Variants in OXCT1 observed in about 807,000 individuals in gnomAD.
OXCT1 encodes 3-oxoacid CoA-transferase 1.
Under a neutral mutation model 69.6 loss-of-function variants are expected in OXCT1, and 27 were observed. The ratio of observed to expected loss-of-function variants is 0.39; its 90% CI spans 0.29 to 0.54. The LOEUF is 0.54. Ranked by LOEUF, OXCT1 falls within the 20% of genes least tolerant of loss-of-function variation. The pLI is 0.72. For missense variants in OXCT1, 437 were observed against 650.2 expected (o/e 0.67, Z 3.57); for synonymous variants, 202 against 217.8 (o/e 0.93, Z 0.64).
At chr5:41,757,218 G>A (rs954714552) in intron 14 of OXCT1, among the ~76,000 whole-genome samples, 2 of 151,986 alleles carry the variant, frequency 1.3e-5, no homozygotes. Context: ...TTTGTTCTTT[G>A]ACTAGAGGGA....
chr5:41,862,430 A>G (rs1749780171), intron 2 of OXCT1, among the ~76,000 whole-genome samples: 1 of 152,212 alleles, frequency 6.6e-6, no homozygotes, highest in Non-Finnish European at 1.5e-5. Flanking sequence ...ACACACATGC[A>G]CGCACACAGA....
intron 11 of OXCT1, among the ~76,000 whole-genome samples, chr5:41,796,755 G>A (rs1211633124): frequency 2.6e-5 from 4 of 152,184 alleles, no homozygotes; most frequent in Admixed American, 6.5e-5. Context: ...TAAACAGCAT[G>A]TAAGACGTAG....
chr5:41,819,037 A>C (rs532423755), intron 7 of OXCT1, among the ~76,000 whole-genome samples: 2 of 152,186 alleles, frequency 1.3e-5, no homozygotes, highest in Non-Finnish European at 2.9e-5. Context: ...TGAAGTTGGA[A>C]AAAATACCAT....
intron 11 of OXCT1, among the ~76,000 whole-genome samples, chr5:41,799,989 G>A (rs143220381): frequency 2.6e-4 from 39 of 152,230 alleles, no homozygotes; most frequent in African/African-American, 8.4e-4. Flanking sequence ...TGAATAAAAG[G>A]ATACAGAAAA....
At chr5:41,856,571 C>A (rs1160040676) in intron 3 of OXCT1, among the ~76,000 whole-genome samples, 1 of 152,146 alleles carries the variant, frequency 6.6e-6, no homozygotes, top group African/African-American at 2.4e-5. Flanking sequence ...CTCTTTCCTA[C>A]CCCCGGCACT....
At chr5:41,867,092 T>C (rs1213907717) in intron 1 of OXCT1, among the ~76,000 whole-genome samples, 1 of 152,188 alleles carries the variant, frequency 6.6e-6, no homozygotes, top group African/African-American at 2.4e-5. Context: ...TTTAATTTTT[T>C]TATTTCCATA....
In OXCT1 at chr5:41,859,884, T is replaced by TATATGTAATATATATATATATATATACAC. The variant is rs1749647107; in HGVS notation, c.278+1429_278+1430insGTGTATATATATATATATATATTACATAT. Among the ~76,000 whole-genome samples, 4 of 117,880 alleles carry TATATGTAATATATATATATATATATACAC rather than the reference T, an allele frequency of 3.4e-5. No individual in the cohort carries two copies. In the East Asian group the frequency reaches 8.7e-4, roughly 26 times the overall value. 77.3% of individuals were successfully genotyped at this position (117,880 alleles called of 152,430 possible). A position where few individuals can be genotyped will look rare whatever the true frequency, so the allele number is the denominator to read the frequency against. The stretch of plus-strand genomic sequence containing the variant: ...ATAGTAATATATATATATATATATA[T>TATATGTAATATATATATATATATATACAC]ATGTAATATATATATATATATATAC... On this transcript the variant is annotated intron_variant, in intron 3 of 16. Transcript: ENST00000196371.
At chr5:41,743,509 T>C (rs1350611158) in intron 15 of OXCT1, among the ~76,000 whole-genome samples, 1 of 152,240 alleles carries the variant, frequency 6.6e-6, no homozygotes, top group Admixed American at 6.5e-5. Context: ...CAATTTTGGC[T>C]TTTGTTGCCA....
At chr5:41,752,152 G>A (rs1041901963) in intron 14 of OXCT1, among the ~76,000 whole-genome samples, 4 of 152,084 alleles carry the variant, frequency 2.6e-5, no homozygotes, top group Non-Finnish European at 4.4e-5. Flanking sequence ...TATGGTGTGG[G>A]AGCAAAGAGC....
intron 7 of OXCT1, among the ~76,000 whole-genome samples, chr5:41,825,960 A>G (rs1028331004): frequency 9.8e-5 from 15 of 152,380 alleles, no homozygotes; most frequent in African/African-American, 3.6e-4. Flanking sequence ...GAATCTTTTG[A>G]GCCAAAGTAT....
At position 41,809,501 on chromosome 5, in the gene OXCT1, T is replaced by C. The variant is rs181701172; in HGVS notation, c.733-2063A>G. Among the ~76,000 whole-genome samples, 9 of 152,188 alleles carry C rather than the reference T, an allele frequency of 5.9e-5. No individual in the cohort carries two copies. The East Asian group carries it at 7.7e-4, about 13-fold the overall frequency. On this transcript the variant is annotated intron_variant, in intron 7 of 16. Transcript: ENST00000196371. ...TAAGCAAACCCTTCTTGCCTGCACA[T>C]TTGAAAATAATAATGTGAATTATTT... is the stretch of plus-strand genomic sequence containing the variant.
chr5:41,790,075 A>T (rs765961465), intron 13 of OXCT1, among the ~76,000 whole-genome samples: 5 of 151,990 alleles, frequency 3.3e-5, no homozygotes, highest in Non-Finnish European at 7.4e-5. Flanking sequence ...AAAAACACCA[A>T]AAGTGTCCCA....
intron 3 of OXCT1, 89 bp downstream of exon 3, chr5:41,861,225 G>A: frequency 1.1e-6 from 1 of 879,588 alleles, no homozygotes; most frequent in Non-Finnish European, 1.9e-6. Flanking sequence ...ATGTGAATAG[G>A]AGAAAACTTC....
At chr5:41,846,189 G>C (rs557883523) in intron 5 of OXCT1, among the ~76,000 whole-genome samples, 4 of 150,942 alleles carry the variant, frequency 2.7e-5, no homozygotes, top group Middle Eastern at 3.2e-3. Flanking sequence ...GTGCAGGTTA[G>C]TTACATATGT....
intron 1 of OXCT1, among the ~76,000 whole-genome samples, chr5:41,866,656 AC>A (rs1384992000): frequency 2.2e-4 from 33 of 152,194 alleles, no homozygotes; most frequent in Non-Finnish European, 4.6e-4. Context: ...TTCACCTTGA[AC>A]TAAACACTGC....
At chr5:41,835,459 T>G (rs1240684260) in intron 7 of OXCT1, among the ~76,000 whole-genome samples, 1 of 152,232 alleles carries the variant, frequency 6.6e-6, no homozygotes, top group Non-Finnish European at 1.5e-5. Flanking sequence ...AAAATAATTT[T>G]CTATATGTCC....
At chr5:41,780,161 A>G (rs1024570559) in intron 13 of OXCT1, among the ~76,000 whole-genome samples, 3 of 152,216 alleles carry the variant, frequency 2.0e-5, no homozygotes, top group African/African-American at 7.2e-5. Flanking sequence ...TTGAAAATCC[A>G]AAAGAAATGG....
At chr5:41,744,258 G>C (rs2112022279) in intron 15 of OXCT1, among the ~76,000 whole-genome samples, 1 of 152,158 alleles carries the variant, frequency 6.6e-6, no homozygotes, top group East Asian at 1.9e-4. Flanking sequence ...CTCATGATTT[G>C]GCTCTCTGTT....
At chr5:41,839,928 G>A (rs1000591471) in intron 7 of OXCT1, among the ~76,000 whole-genome samples, 2 of 152,140 alleles carry the variant, frequency 1.3e-5, no homozygotes, top group African/African-American at 4.8e-5. Flanking sequence ...TTCTGCCCTG[G>A]GTCCTTAAGC....
Sources: gnomAD v4.1 joint callset for allele counts (sites outside exome capture counted in the v4.1 genomes callset) on GRCh38, gnomAD v4.1.1 for gene constraint, MANE v1.5 for transcripts, NCBI Gene and HGNC (gene_info 2026-07-23, HGNC 2026-07-21) for gene names.